The following CCDC126 variants were observed in gnomAD, a reference collection of about 807,000 sequenced individuals.
CCDC126 encodes coiled-coil domain containing 126, also known as coiled-coil domain-containing protein 126.
A neutral mutation model predicts 11.7 loss-of-function variants in CCDC126; 5 were observed. The observed-to-expected ratio is 0.43, with a 90% CI of 0.22 to 0.90. CCDC126 has a LOEUF of 0.90. Among genes scored for constraint, CCDC126 ranks in the 40% least tolerant of loss-of-function variants. The pLI is 0.27. For missense variants in CCDC126, 150 were observed against 163.1 expected, an observed-to-expected ratio of 0.92 and a Z score of 0.44; for synonymous variants, 60 against 61.9, an observed-to-expected ratio of 0.97 and a Z score of 0.14.
intron 3 of CCDC126, among the ~76,000 whole-genome samples, chr7:23,615,010 A>G (rs537258470): frequency 3.3e-5 from 5 of 152,308 alleles, no homozygotes; most frequent in Admixed American, 6.5e-5. Flanking sequence ...ACCCCCTAAG[A>G]AGAAAGTCAG....
intron 3 of CCDC126, among the ~76,000 whole-genome samples, chr7:23,627,677 C>T (rs983344945): frequency 9.2e-5 from 14 of 152,066 alleles, no homozygotes; most frequent in Admixed American, 8.5e-4. Context: ...TGGCTCACTG[C>T]AGCCTCGACC....
intron 2 of CCDC126, chr7:23,602,317 T>C (rs1782558104): frequency 6.6e-6 from 1 of 152,256 alleles, no homozygotes; most frequent in South Asian, 2.1e-4. Context: ...TTTAAGTAAA[T>C]GCACTGACAG....
rs764915507 is a variant in CCDC126, at chr7:23,611,464, T to G, written c.149T>G (p.Leu50Arg). Residue 50 changes from leucine to arginine, a missense_variant, in exon 3 of 4, where the codon CTA becomes CGA. Leu to Arg is a moderately radical substitution (Grantham distance 102). Coordinates refer to ENST00000307471, the MANE Select transcript of CCDC126 (RefSeq NM_138771.4). ...QSSVKLREQILDLSKRYVKAL... is the reference protein window; with the variant it reads ...QSSVKLREQIRDLSKRYVKAL... The stretch of plus-strand genomic sequence containing the variant: ...AGTGTCAAGTTACGTGAGCAAATAC[T>G]AGACTTAAGCAAAAGATATGTTAAA... 6.2e-7 allele frequency: 1 copy of G among 1,614,070 alleles called. No homozygotes were observed. Among genetic ancestry groups the G allele is most frequent in the South Asian group, 1.1e-5 (1 of 91,086 alleles).
chr7:23,607,605 T>A (rs924381500), intron 2 of CCDC126, among the ~76,000 whole-genome samples: 1 of 152,238 alleles, frequency 6.6e-6, no homozygotes, highest in Non-Finnish European at 1.5e-5. Context: ...TTATTTTTCT[T>A]ATGTGAAATC....
chr7:23,607,682 C>T (rs1485057811), intron 2 of CCDC126, among the ~76,000 whole-genome samples: 2 of 152,022 alleles, frequency 1.3e-5, no homozygotes, highest in African/African-American at 2.4e-5. Flanking sequence ...AAAGTAATAC[C>T]AGTGGAAATT....
intron 3 of CCDC126, among the ~76,000 whole-genome samples, chr7:23,634,056 A>G (rs749523757): frequency 1.3e-5 from 2 of 152,256 alleles, no homozygotes; most frequent in Non-Finnish European, 2.9e-5. Context: ...CTGTGTGTAC[A>G]TACAGGTTTA....
At chr7:23,625,645 A>G (rs1469048717) in intron 3 of CCDC126, among the ~76,000 whole-genome samples, 2 of 135,748 alleles carry the variant, frequency 1.5e-5, no homozygotes, top group East Asian at 4.1e-4. Flanking sequence ...TTCTTATTTG[A>G]CTGATTTTTT....
At position 23,643,143 on chromosome 7, in the gene CCDC126, A is replaced by G. The variant is rs764192390; in HGVS notation, c.*28A>G. ...GTTGAAAATCACCTTGTGCTGCTCC[A>G]TCCACTGTGGATTATATCCTATGGC... On this transcript the variant is annotated 3_prime_UTR_variant, in exon 4 of 4. Transcript: ENST00000307471. 1.9e-6 allele frequency: 3 copies of G among 1,595,918 alleles called. No homozygotes were observed. The highest frequency in any genetic ancestry group is 2.6e-6 in the Non-Finnish European group (3 of 1,167,266).
intron 3 of CCDC126, among the ~76,000 whole-genome samples, chr7:23,637,983 C>T (rs1424117587): frequency 8.1e-6 from 1 of 122,848 alleles, no homozygotes; most frequent in Non-Finnish European, 1.8e-5. Flanking sequence ...CAGCCCCCCG[C>T]CCGGCCAGCC....
Position 23,644,046 on chromosome 7 carries a change from T to C in CCDC126, c.*931T>C, listed in dbSNP as rs140730198. ...TGGAGAATGGAACTCTTGAGGACTT[T>C]AGCCAGGTGTATATAATAAAGGTAC... On this transcript the variant is annotated 3_prime_UTR_variant, in exon 4 of 4. Coordinates refer to ENST00000307471, the MANE Select transcript of CCDC126 (RefSeq NM_138771.4). 194 of 152,234 alleles carry C rather than the reference T, an allele frequency of 1.3e-3. No homozygotes were observed. Among genetic ancestry groups the C allele is most frequent in the African/African-American group, 4.6e-3 (193 of 41,570 alleles). The allele number at this position is 152,234 out of a possible 1,614,324, so 9.4% of individuals were successfully genotyped here. A position where few individuals can be genotyped will look rare whatever the true frequency, so the allele number is the denominator to read the frequency against.
At chr7:23,610,318 C>G (rs1336117137) in intron 2 of CCDC126, among the ~76,000 whole-genome samples, 2 of 152,120 alleles carry the variant, frequency 1.3e-5, no homozygotes, top group African/African-American at 4.8e-5. Context: ...CTCAAGCAGC[C>G]CTGCCGCCCC....
At chr7:23,605,809 A>T (rs1029423425) in intron 2 of CCDC126, among the ~76,000 whole-genome samples, 1 of 151,984 alleles carries the variant, frequency 6.6e-6, no homozygotes, top group Admixed American at 6.6e-5. Context: ...TTCTGCTTTC[A>T]TTTCTTTTGT....
At chr7:23,599,965 A>G (rs1475689053) in intron 2 of CCDC126, among the ~76,000 whole-genome samples, 3 of 151,818 alleles carry the variant, frequency 2.0e-5, no homozygotes, top group East Asian at 1.9e-4. Context: ...TTGTATTTTT[A>G]GTAGAGATGG....
intron 3 of CCDC126, among the ~76,000 whole-genome samples, chr7:23,623,543 C>T (rs1782962074): frequency 6.7e-6 from 1 of 150,364 alleles, no homozygotes; most frequent in African/African-American, 2.4e-5. Context: ...TTGTGGTGGG[C>T]CGAAGTTGTG....
chr7:23,614,769 G>T (rs1424792867), intron 3 of CCDC126, among the ~76,000 whole-genome samples: 1 of 152,172 alleles, frequency 6.6e-6, no homozygotes. Flanking sequence ...TTGTCAAGGA[G>T]CAGTAATATT....
At chr7:23,628,836 C>T (rs1002468230) in intron 3 of CCDC126, among the ~76,000 whole-genome samples, 1 of 152,204 alleles carries the variant, frequency 6.6e-6, no homozygotes, top group Admixed American at 6.5e-5. Flanking sequence ...GCCATCCCCA[C>T]CACACTGTCA....
At chr7:23,627,375 C>T (rs1442150237) in intron 3 of CCDC126, among the ~76,000 whole-genome samples, 1 of 151,778 alleles carries the variant, frequency 6.6e-6, no homozygotes. Flanking sequence ...GTTGCGGTGG[C>T]TCACCTGTAA....
chr7:23,628,646 C>T (rs1783054700), intron 3 of CCDC126, among the ~76,000 whole-genome samples: 1 of 152,180 alleles, frequency 6.6e-6, no homozygotes, highest in Non-Finnish European at 1.5e-5. Context: ...TCACCCCTGC[C>T]AGCCAGCCAG....
chr7:23,597,730 C>G (rs1437802068), intron 1 of CCDC126, 125 bp downstream of exon 1: 2 of 152,346 alleles, frequency 1.3e-5, no homozygotes, highest in African/African-American at 4.8e-5. Flanking sequence ...GCCGCTGCTG[C>G]GGAAACCCGG....
Sources: gnomAD v4.1 joint callset for allele counts (sites outside exome capture counted in the v4.1 genomes callset) on GRCh38, gnomAD v4.1.1 for gene constraint, MANE v1.5 for transcripts, NCBI Gene and HGNC (gene_info 2026-07-23, HGNC 2026-07-21) for gene names.